Variants in PADI4 observed in about 807,000 individuals in gnomAD.
The protein encoded by PADI4 is peptidyl arginine deiminase 4, also known as protein-arginine deiminase type-4.
In PADI4, 62 loss-of-function variants were observed where a neutral mutation model predicts 75.0. That is an observed-to-expected ratio of 0.83 (90% CI 0.67 to 1.02). The LOEUF is 1.02. PADI4 is among the 50% of genes least tolerant of loss of function. The pLI is 0.00. For synonymous variants in PADI4, 361 were observed against 348.1 expected (o/e 1.04, Z -0.41); for missense variants, 845 against 850.5 (o/e 0.99, Z 0.08).
rs59106898 is a variant in PADI4, at chr1:17,316,703, A to T, written c.92+8389A>T. On this transcript the variant is annotated intron_variant, in intron 1 of 15. Transcript: ENST00000375448. ...AGACTCCGTCTCAAAATAAATAAATAAATAAATTAATTAATTAATTAATTA... is the reference window on the plus strand; with the variant it reads ...AGACTCCGTCTCAAAATAAATAAATTAATAAATTAATTAATTAATTAATTA... Among the ~76,000 whole-genome samples, 380 of 146,680 alleles carry T rather than the reference A, an allele frequency of 2.6e-3. 1 individual carries two copies. The highest frequency in any genetic ancestry group is 8.8e-3 in the African/African-American group (346 of 39,128).
At chr1:17,323,859 CA>C (rs397979378) in intron 1 of PADI4, among the ~76,000 whole-genome samples, 1 of 148,770 alleles carries the variant, frequency 6.7e-6, no homozygotes, top group Non-Finnish European at 1.5e-5. Flanking sequence ...ACAACAACAA[CA>C]AAAAAAACAC....
At chr1:17,315,657 C>A (rs778633692) in intron 1 of PADI4, among the ~76,000 whole-genome samples, 2 of 151,912 alleles carry the variant, frequency 1.3e-5, no homozygotes, top group African/African-American at 4.9e-5. Flanking sequence ...AACACTGGCT[C>A]CTTTGGTCAA....
Position 17,354,700 on chromosome 1 carries a change from G to T in PADI4, c.1310+13G>T, listed in dbSNP as rs1392369031. 13 of 1,587,552 alleles carry T rather than the reference G, an allele frequency of 8.2e-6. No individual in the cohort carries two copies. The highest frequency in any genetic ancestry group is 1.0e-5 in the Non-Finnish European group (12 of 1,165,846). On this transcript the variant is annotated intron_variant, in intron 11 of 15. Transcript: ENST00000375448. ...GCTGTTATCCCAGGTAAGGAGGGGA[G>T]TAACAGGAAGGGGTGGCCAGGACCC... is the stretch of plus-strand genomic sequence containing the variant.
At position 17,331,067 on chromosome 1, in the gene PADI4, G is replaced by A; in HGVS notation, c.191G>A (p.Gly64Asp). ...HGPPAKKKST[G>D]SSTWPLDPGV... ...CCTCCAGCCAAGAAGAAATCCACAG[G>A]TTCCTCCACATGGCCCCTGGACCCT... Residue 64 changes from glycine to aspartate, a missense_variant, in exon 2 of 16, where the codon GGT becomes GAT. Physicochemically the swap from Gly to Asp is moderately conservative, Grantham distance 94. Transcript: ENST00000375448. 1 of 1,611,442 alleles carries A rather than the reference G, an allele frequency of 6.2e-7. No homozygotes were observed. Among genetic ancestry groups the A allele is most frequent in the Non-Finnish European group, 8.5e-7 (1 of 1,178,860 alleles).
intron 1 of PADI4, among the ~76,000 whole-genome samples, chr1:17,329,028 ATAAAT>A (rs2074161932): frequency 6.9e-6 from 1 of 145,872 alleles, no homozygotes; most frequent in African/African-American, 2.6e-5. Flanking sequence ...TCTTAATATA[ATAAAT>A]TATATTAAGA....
intron 10 of PADI4, among the ~76,000 whole-genome samples, chr1:17,351,403 C>T (rs1359569479): frequency 2.1e-5 from 3 of 144,908 alleles, no homozygotes; most frequent in East Asian, 4.0e-4. Flanking sequence ...CCAGCCTAGG[C>T]ACCATAGTCA....
intron 1 of PADI4, among the ~76,000 whole-genome samples, chr1:17,312,154 T>C (rs991300945): frequency 2.0e-5 from 3 of 151,994 alleles, no homozygotes; most frequent in African/African-American, 7.3e-5. Flanking sequence ...ACTTCAATAT[T>C]TAAAGGGAAA....
Position 17,356,543 on chromosome 1 carries a change from C to A in PADI4, c.1558+84C>A, listed in dbSNP as rs1018161273. 4 of 823,298 alleles carry A rather than the reference C, an allele frequency of 4.9e-6. No individual in the cohort carries two copies. The highest frequency in any genetic ancestry group is 1.6e-5 in the South Asian group (1 of 64,106). The allele number at this position is 823,298 out of a possible 1,614,324, so 51.0% of individuals were successfully genotyped here. The stretch of plus-strand genomic sequence containing the variant: ...TGTTGCCTGGAGGGAATCATCCAGG[C>A]AATAGGGTAGCATCTGAGCACCTAC... On this transcript the variant is annotated intron_variant, in intron 13 of 15. Coordinates refer to ENST00000375448, the MANE Select transcript of PADI4 (RefSeq NM_012387.3). The surrounding 1 kb of genome is among the most constrained non-coding windows in gnomAD (Gnocchi z 4.1).
Position 17,349,514 on chromosome 1 carries a change from G to A in PADI4, c.1155+1466G>A, listed in dbSNP as rs372647691. Among the ~76,000 whole-genome samples the A allele has an allele frequency of 2.0e-5, 3 of 151,990 alleles. No homozygotes were observed. In the South Asian group the frequency reaches 6.2e-4, roughly 32 times the overall value. On this transcript the variant is annotated intron_variant, in intron 10 of 15. Coordinates refer to ENST00000375448, the MANE Select transcript of PADI4 (RefSeq NM_012387.3). ...GAGGTCAGAAGTTCGAGACCAGCCT[G>A]GCCAGCATGGCGAAATCCCGTCTCT...
At chr1:17,316,723 T>A (rs55877413) in intron 1 of PADI4, among the ~76,000 whole-genome samples, 46,411 of 137,650 alleles carry the variant, frequency 0.34, 7,634 homozygotes, top group South Asian at 0.41. Context: ...ATTAATTAAT[T>A]AATTAATTAA....
At chr1:17,341,003 G>T (rs1264627336) in intron 6 of PADI4, among the ~76,000 whole-genome samples, 4 of 148,784 alleles carry the variant, frequency 2.7e-5, no homozygotes, top group Non-Finnish European at 6.0e-5. Flanking sequence ...ATTTCACCAG[G>T]TTGGCCAGAC....
rs1318729729 is a variant in PADI4 at position 17,331,169 on chromosome 1, G to A, written c.273+20G>A. On this transcript the variant is annotated intron_variant, in intron 2 of 15. Transcript: ENST00000375448. ...CAGAAGGTGAGTGTCATAGCTGTGGGGTGGCAGTGTGGATGGGCTTCAGCA... is the reference window on the plus strand; with the variant it reads ...CAGAAGGTGAGTGTCATAGCTGTGGAGTGGCAGTGTGGATGGGCTTCAGCA... The A allele has an allele frequency of 4.4e-6, 7 of 1,601,884 alleles. No individual in the cohort carries two copies. Among genetic ancestry groups the A allele is most frequent in the African/African-American group, 1.3e-5 (1 of 74,274 alleles).
At chr1:17,335,705 CAT>C (rs1182559238) in intron 3 of PADI4, among the ~76,000 whole-genome samples, 2 of 152,366 alleles carry the variant, frequency 1.3e-5, no homozygotes, top group East Asian at 3.9e-4. Context: ...AGTCACAACA[CAT>C]GTCATGAAGA....
intron 1 of PADI4, among the ~76,000 whole-genome samples, chr1:17,320,326 G>C (rs2074012589): frequency 6.6e-6 from 1 of 152,188 alleles, no homozygotes; most frequent in Non-Finnish European, 1.5e-5. Flanking sequence ...GAGGGTTCTT[G>C]AATTTTGCCT....
intron 10 of PADI4, among the ~76,000 whole-genome samples, chr1:17,352,385 G>A (rs1204838653): frequency 2.0e-5 from 3 of 152,100 alleles, no homozygotes; most frequent in Non-Finnish European, 4.4e-5. Context: ...TAGAAACTGA[G>A]AATCATCACA....
chr1:17,323,138 G>T (rs1557545430), intron 1 of PADI4, among the ~76,000 whole-genome samples: 1 of 152,196 alleles, frequency 6.6e-6, no homozygotes, highest in African/African-American at 2.4e-5. Context: ...TGGAACCTCA[G>T]TTCCTCCCTG....
intron 4 of PADI4, among the ~76,000 whole-genome samples, chr1:17,336,594 A>G (rs891791356): frequency 6.6e-6 from 1 of 152,200 alleles, no homozygotes; most frequent in Admixed American, 6.5e-5. Flanking sequence ...ACATGGGGGA[A>G]TAACAGAGAA....
At chr1:17,351,464 G>C (rs2074619877) in intron 10 of PADI4, among the ~76,000 whole-genome samples, 1 of 151,242 alleles carries the variant, frequency 6.6e-6, no homozygotes, top group Non-Finnish European at 1.5e-5. Flanking sequence ...ATAAAAATAA[G>C]CCAGGCATGG....
At chr1:17,342,552 G>C in intron 8 of PADI4, 150 bp downstream of exon 8, 1 of 613,356 alleles carries the variant, frequency 1.6e-6, no homozygotes, top group Non-Finnish European at 2.9e-6. Flanking sequence ...AGGCAGGGAA[G>C]TTCCCTACTG....
Sources: allele counts gnomAD v4.1 joint callset (sites outside exome capture counted in the v4.1 genomes callset), GRCh38; gene constraint gnomAD v4.1.1; non-coding constraint Gnocchi (gnomAD v3.1); transcripts MANE v1.5; gene names NCBI Gene and HGNC (gene_info 2026-07-23, HGNC 2026-07-21).